PTK2B: variants seen among roughly 807,000 people sequenced by gnomAD.
PTK2B encodes protein tyrosine kinase 2 beta.
PTK2B carries 71 observed loss-of-function variants against 142.9 expected under a neutral mutation model. The observed-to-expected ratio is 0.50, with a 90% CI of 0.41 to 0.61. The LOEUF is 0.61. PTK2B is among the 20% of genes least tolerant of loss of function. The pLI is 0.00. For missense variants in PTK2B, 1,105 were observed against 1,320.4 expected (o/e 0.84, Z 2.53); for synonymous variants, 519 against 503.4 (o/e 1.03, Z -0.42).
intron 1 of PTK2B, among the ~76,000 whole-genome samples, chr8:27,347,693 C>G (rs996152086): frequency 6.6e-6 from 1 of 152,148 alleles, no homozygotes; most frequent in East Asian, 1.9e-4. Context: ...TTTAAAGACC[C>G]CATCTCTAAA....
At position 27,433,557 on chromosome 8, in the gene PTK2B, G is replaced by A; in HGVS notation, c.1105+5G>A. On this transcript the variant is annotated splice_donor_5th_base_variant and intron_variant, in intron 11 of 30. Coordinates refer to ENST00000346049, the MANE Select transcript of PTK2B (RefSeq NM_173176.3). Reference sequence around the variant, plus strand: ...TCATCATCCATCCTAGGAAAGGTGGGTTCCATTTAAAGGTAAAGTGGCTGG... The same window carrying A: ...TCATCATCCATCCTAGGAAAGGTGGATTCCATTTAAAGGTAAAGTGGCTGG... The A allele has an allele frequency of 6.2e-7, 1 of 1,611,752 alleles. No individual in the cohort carries two copies.
At chr8:27,383,209 T>G (rs1026514855) in intron 1 of PTK2B, among the ~76,000 whole-genome samples, 7 of 152,160 alleles carry the variant, frequency 4.6e-5, no homozygotes, top group African/African-American at 1.7e-4. Context: ...TTTTTCCATT[T>G]TGTGTGTGTG....
intron 9 of PTK2B, 29 bp downstream of exon 9, chr8:27,431,501 G>A (rs1810422424): frequency 6.2e-7 from 1 of 1,612,926 alleles, no homozygotes. Flanking sequence ...GCCCCACCCA[G>A]CCCCAGGCGG....
intron 3 of PTK2B, among the ~76,000 whole-genome samples, chr8:27,317,003 G>C (rs1803109137): frequency 6.6e-6 from 1 of 152,144 alleles, no homozygotes; most frequent in Non-Finnish European, 1.5e-5. Flanking sequence ...ATCCACTGTT[G>C]GTTATGTCAG....
At chr8:27,351,038 T>C (rs1476358473) in intron 1 of PTK2B, among the ~76,000 whole-genome samples, 9 of 98,452 alleles carry the variant, frequency 9.1e-5, no homozygotes, top group African/African-American at 1.3e-4. Context: ...TATATATATA[T>C]ATACGTGCTT....
chr8:27,348,588 T>A (rs934298385), intron 1 of PTK2B, among the ~76,000 whole-genome samples: 6 of 152,170 alleles, frequency 3.9e-5, no homozygotes, highest in African/African-American at 1.4e-4. Flanking sequence ...AACAGTTCCC[T>A]GGTTCTCTTT....
intron 1 of PTK2B, among the ~76,000 whole-genome samples, chr8:27,381,609 G>A (rs1807027230): frequency 6.6e-6 from 1 of 152,188 alleles, no homozygotes; most frequent in Non-Finnish European, 1.5e-5. Context: ...TGCAATCAAT[G>A]TGGACGTGCA....
chr8:27,335,364 G>A (rs973517351), intron 1 of PTK2B, among the ~76,000 whole-genome samples: 9 of 152,120 alleles, frequency 5.9e-5, no homozygotes, highest in East Asian at 1.9e-4. Context: ...AGGCCAAGGC[G>A]GGCAGATCAC....
At chr8:27,457,737 G>A (rs1320521752) in intron 30 of PTK2B, among the ~76,000 whole-genome samples, 2 of 152,178 alleles carry the variant, frequency 1.3e-5, no homozygotes, top group Non-Finnish European at 2.9e-5. Flanking sequence ...CACTATGGGA[G>A]GCCAAGGTCG....
At chr8:27,395,050 G>A (rs1807959762) in intron 1 of PTK2B, among the ~76,000 whole-genome samples, 1 of 151,906 alleles carries the variant, frequency 6.6e-6, no homozygotes, top group Non-Finnish European at 1.5e-5. Flanking sequence ...ACCTGGCTGA[G>A]GCTGTTTTAC....
chr8:27,452,857 G>T lies in PTK2B; in HGVS notation c.2549-257G>T, dbSNP rs912844343. 8 of 553,100 alleles carry T rather than the reference G, an allele frequency of 1.4e-5. No individual in the cohort carries two copies. The African/African-American group carries it at 1.5e-4, about 10-fold the overall frequency. 34.3% of individuals were successfully genotyped at this position (553,100 alleles called of 1,614,324 possible). ...GCAGGAAGCCCAAGCCAGAGCTGGG[G>T]CACCACTGCAATCCCCCCATCTTGC... On this transcript the variant is annotated intron_variant, in intron 27 of 30. Coordinates refer to ENST00000346049, the MANE Select transcript of PTK2B (RefSeq NM_173176.3).
chr8:27,419,298 G>A (rs1293484651), intron 2 of PTK2B, among the ~76,000 whole-genome samples: 1 of 152,196 alleles, frequency 6.6e-6, no homozygotes, highest in Non-Finnish European at 1.5e-5. Context: ...AGTGAATCTT[G>A]TCCTTATCTT....
chr8:27,405,310 A>G (rs956520519), intron 2 of PTK2B, among the ~76,000 whole-genome samples: 21 of 152,202 alleles, frequency 1.4e-4, no homozygotes, highest in Non-Finnish European at 3.1e-4. Context: ...CCATTGGCTC[A>G]GGTTCTCTGT....
At chr8:27,400,824 A>G (rs1808335475) in intron 2 of PTK2B, among the ~76,000 whole-genome samples, 1 of 152,184 alleles carries the variant, frequency 6.6e-6, no homozygotes, top group African/African-American at 2.4e-5. Flanking sequence ...GGAGGGAGAA[A>G]GAATCTAGAG....
At chr8:27,324,297 G>T (rs188420478), upstream of PTK2B, among the ~76,000 whole-genome samples, 188 of 152,340 alleles carry the variant, frequency 1.2e-3, no homozygotes, top group African/African-American at 3.7e-3. Flanking sequence ...TGCTGGGAAC[G>T]TGACAAATCT....
intron 9 of PTK2B, chr8:27,431,977 T>G: frequency 5.5e-6 from 2 of 366,846 alleles, no homozygotes; most frequent in Non-Finnish European, 4.9e-6. Flanking sequence ...TAAAACATGT[T>G]GAGATTTTTT....
At chr8:27,394,605 G>T (rs1281377582) in intron 1 of PTK2B, among the ~76,000 whole-genome samples, 1 of 152,190 alleles carries the variant, frequency 6.6e-6, no homozygotes, top group Admixed American at 6.5e-5. Context: ...TATAAACACG[G>T]TGTACTTAGG....
rs1264744672 is a variant in PTK2B, at chr8:27,351,040, TAC to T, written c.-38+25360_-38+25361del. On this transcript the variant is annotated intron_variant, in intron 1 of 30. Coordinates refer to ENST00000346049, the MANE Select transcript of PTK2B (RefSeq NM_173176.3). Reference sequence around the variant, plus strand: ...ATATATATATATATATATATATATATACGTGCTTGGAGCAGGCACAGTGGTGC... The same window carrying T: ...ATATATATATATATATATATATATATGTGCTTGGAGCAGGCACAGTGGTGC... Among the ~76,000 whole-genome samples, 66 of 97,946 alleles carry T rather than the reference TAC, an allele frequency of 6.7e-4. 2 individuals are homozygous for T. Among genetic ancestry groups the T allele is most frequent in the African/African-American group, 2.4e-3 (50 of 21,262 alleles). The allele number at this position is 97,946 out of a possible 152,430, so 64.3% of individuals were successfully genotyped here.
intron 29 of PTK2B, 46 bp downstream of exon 29, chr8:27,454,337 C>A (rs1232557706): frequency 1.9e-6 from 3 of 1,596,350 alleles, no homozygotes; most frequent in Admixed American, 3.5e-5. Flanking sequence ...CTCAAGTCCG[C>A]CCTGGAAGGA....
Sources: allele counts gnomAD v4.1 joint callset (sites outside exome capture counted in the v4.1 genomes callset), GRCh38; gene constraint gnomAD v4.1.1; transcripts MANE v1.5; gene names NCBI Gene and HGNC (gene_info 2026-07-23, HGNC 2026-07-21).